PECAM1: variants seen among roughly 807,000 people sequenced by gnomAD.
PECAM1 encodes the protein platelet endothelial cell adhesion molecule.
In PECAM1, 8 loss-of-function variants were observed where a neutral mutation model predicts 13.8. That is an observed-to-expected ratio of 0.58 (90% CI 0.34 to 1.05). The LOEUF (loss-of-function observed/expected upper bound fraction) is 1.05, where lower values mean the gene tolerates loss of function less well. Among genes scored for constraint, PECAM1 ranks in the 50% least tolerant of loss-of-function variants. The pLI is 0.03. For synonymous variants in PECAM1, 136 were observed against 52.6 expected (o/e 2.58, Z -6.86); for missense variants, 304 against 141.2 (o/e 2.15, Z -5.84).
In PECAM1 at chr17:64,323,447, T is replaced by C. The variant is rs1166059801; in HGVS notation, c.*369A>G. 3.5e-6 allele frequency: 4 copies of C among 1,158,034 alleles called. No individual in the cohort carries two copies. The African/African-American group carries it at 6.4e-5, about 19-fold the overall frequency. The allele number at this position is 1,158,034 out of a possible 1,614,324, so 71.7% of individuals were successfully genotyped here. A position where few individuals can be genotyped will look rare whatever the true frequency, so the allele number is the denominator to read the frequency against. The stretch of plus-strand genomic sequence containing the variant: ...AAATGATTGAGTATAAAAAAGAAAA[T>C]TGGTTTCTGTGTATGAGGGTGCATG... On this transcript the variant is annotated 3_prime_UTR_variant, in exon 16 of 16. Coordinates refer to ENST00000563924, the MANE Select transcript of PECAM1 (RefSeq NM_000442.5).
At chr17:64,347,678 A>ATAT (rs1232781658) in intron 13 of PECAM1, among the ~76,000 whole-genome samples, 1 of 135,856 alleles carries the variant, frequency 7.4e-6, no homozygotes, top group African/African-American at 2.7e-5. Context: ...AAGAAAACAT[A>ATAT]TATATTATAT....
At position 64,361,129 on chromosome 17, in the gene PECAM1, A is replaced by ATGTGTGTGTGTGTGTGTGTGTG. The variant is rs145637288; in HGVS notation, c.1217-736_1217-715dup. 1.9e-3 allele frequency among the ~76,000 whole-genome samples: 262 copies of ATGTGTGTGTGTGTGTGTGTGTG among 137,252 alleles called. 2 individuals carry two copies. Among genetic ancestry groups the ATGTGTGTGTGTGTGTGTGTGTG allele is most frequent in the African/African-American group, 6.8e-3 (242 of 35,520 alleles). 90.0% of individuals were successfully genotyped at this position (137,252 alleles called of 152,430 possible). ...AGCCACCACACCTGGCTGAGCATAT[A>ATGTGTGTGTGTGTGTGTGTGTG]TGTGTGTGTGTGTGTGTGTGTGTGT... is the stretch of plus-strand genomic sequence containing the variant. On this transcript the variant is annotated intron_variant, in intron 6 of 15. Coordinates refer to ENST00000563924, the MANE Select transcript of PECAM1 (RefSeq NM_000442.5).
chr17:64,330,629 C>G (rs1555646524), intron 14 of PECAM1, among the ~76,000 whole-genome samples: 1 of 148,160 alleles, frequency 6.7e-6, no homozygotes, highest in Admixed American at 6.7e-5. Context: ...CAGCAAGACT[C>G]CATCTCAAAA....
Position 64,356,109 on chromosome 17 carries a change from A to G in PECAM1, c.1780+2T>C, listed in dbSNP as rs2143793965. 2.1e-6 allele frequency: 1 copy of G among 474,816 alleles called. No homozygotes were observed. The highest frequency in any genetic ancestry group is 6.7e-5 in the South Asian group (1 of 14,834). 29.4% of individuals were successfully genotyped at this position (474,816 alleles called of 1,614,324 possible). On this transcript the variant is annotated splice_donor_variant, in intron 8 of 15. Transcript: ENST00000563924. LOFTEE classifies it high-confidence loss of function. ...CAGCTTGCTATGGAGACCCTGACTCACCTCTGACTGTCAGTATTTTGCTTC... is the reference window on the plus strand; with the variant it reads ...CAGCTTGCTATGGAGACCCTGACTCGCCTCTGACTGTCAGTATTTTGCTTC...
rs956990062 is a variant in PECAM1 at position 64,375,160 on chromosome 17, G to A, written c.582C>T (p.Pro194=). The A allele has an allele frequency of 4.0e-5, 19 of 475,348 alleles. No homozygotes were observed. Among genetic ancestry groups the A allele is most frequent in the African/African-American group, 2.0e-4 (10 of 50,622 alleles). The allele number at this position is 475,348 out of a possible 1,614,324, so 29.4% of individuals were successfully genotyped here. Reference sequence around the variant, plus strand: ...ATAAAACGCGGTCCTGTTCCTCAACGGGGAATTCCAGTATCACAAAATTCT... The same window carrying A: ...ATAAAACGCGGTCCTGTTCCTCAACAGGGAATTCCAGTATCACAAAATTCT... ...RDQNFVILEF[P]VEEQDRVLSF... is the part of the protein sequence containing the mutation. The change falls in exon 4 of 16, where the codon CCC becomes CCT. Residue 194 remains proline (P), a synonymous_variant. Transcript: ENST00000563924.
rs2036399195 is a variant in PECAM1 at position 64,377,929 on chromosome 17, A to G, written c.280T>C (p.Tyr94His). The G allele has an allele frequency of 2.1e-6, 1 of 475,238 alleles. No individual in the cohort carries two copies. The highest frequency in any genetic ancestry group is 6.7e-5 in the South Asian group (1 of 14,886). 29.4% of individuals were successfully genotyped at this position (475,238 alleles called of 1,614,324 possible). The change falls in exon 3 of 16, where the codon TAT becomes CAT. Residue 94 changes from tyrosine to histidine, a missense_variant. Tyr to His is a moderately conservative substitution (Grantham distance 83). Coordinates refer to ENST00000563924, the MANE Select transcript of PECAM1 (RefSeq NM_000442.5). Reference protein sequence around the residue: ...NISSMKSTESYFIPEVRIYDS... With the variant: ...NISSMKSTESHFIPEVRIYDS... ...TAGATCCGGACTTCAGGAATAAAAT[A>G]ACTCTCTGTGCTCTTCATGGAGGAG...
At chr17:64,376,355 T>C (rs2036358937) in intron 3 of PECAM1, among the ~76,000 whole-genome samples, 2 of 151,778 alleles carry the variant, frequency 1.3e-5, no homozygotes, top group African/African-American at 4.8e-5. Flanking sequence ...AAAAATAAAA[T>C]ATGGTCAAGA....
rs2034843081 is a variant in PECAM1, at chr17:64,322,952, C to G, written c.*864G>C. The G allele has an allele frequency of 1.6e-6, 1 of 641,352 alleles. No individual in the cohort carries two copies. The highest frequency in any genetic ancestry group is 1.4e-4 in the East Asian group (1 of 7,248). The allele number at this position is 641,352 out of a possible 1,614,324, so 39.7% of individuals were successfully genotyped here. A position where few individuals can be genotyped will look rare whatever the true frequency, so the allele number is the denominator to read the frequency against. The stretch of plus-strand genomic sequence containing the variant: ...AAACTCCTGACCTCAGGTGATCCGC[C>G]CACCTCAGCCTCCTGAAGTGCTGGG... On this transcript the variant is annotated 3_prime_UTR_variant, in exon 16 of 16. Transcript: ENST00000563924.
intron 2 of PECAM1, among the ~76,000 whole-genome samples, chr17:64,380,479 A>C (rs1041023002): frequency 3.0e-4 from 45 of 152,146 alleles, no homozygotes; most frequent in Non-Finnish European, 3.1e-4. Context: ...GCCCATTCTC[A>C]AGGAAGCTAC....
chr17:64,390,829 TG>T lies in PECAM1; in HGVS notation c.-165del, dbSNP rs1312949317. On this transcript the variant is annotated 5_prime_UTR_variant, in exon 1 of 16. Transcript: ENST00000563924. ...CCTGCAGAGAGACCGGCTGTGGCGC[TG>T]GTCAGGTAATGGCAGCCATGGCTGG... is the stretch of plus-strand genomic sequence containing the variant. 1 of 397,230 alleles carries T rather than the reference TG, an allele frequency of 2.5e-6. No individual in the cohort carries two copies. Among genetic ancestry groups the T allele is most frequent in the Admixed American group, 4.4e-5 (1 of 22,690 alleles). 24.6% of individuals were successfully genotyped at this position (397,230 alleles called of 1,614,324 possible). A position where few individuals can be genotyped will look rare whatever the true frequency, so the allele number is the denominator to read the frequency against.
In PECAM1 at chr17:64,356,341, T is replaced by C. The variant is rs1487968640; in HGVS notation, c.1550A>G (p.Glu517Gly). 2 of 473,730 alleles carry C rather than the reference T, an allele frequency of 4.2e-6. No individual in the cohort carries two copies. Among genetic ancestry groups the C allele is most frequent in the Non-Finnish European group, 3.9e-6 (1 of 258,540 alleles). The allele number at this position is 473,730 out of a possible 1,614,324, so 29.3% of individuals were successfully genotyped here. Residue 517 changes from glutamate (E) to glycine (G), a missense_variant, in exon 8 of 16, where the codon GAG becomes GGG. By Grantham distance (98) the Glu-to-Gly change is moderately conservative. Transcript: ENST00000563924. ...CACAGCACATTGCAGCACAATGTCC[T>C]CTCCAGACTCCACCACCTTACTTGA... is the stretch of plus-strand genomic sequence containing the variant. ...ILSSKVVESG[E>G]DIVLQCAVNE...
At chr17:64,362,650 T>A (rs2036010000) in intron 6 of PECAM1, among the ~76,000 whole-genome samples, 1 of 145,530 alleles carries the variant, frequency 6.9e-6, no homozygotes, top group Non-Finnish European at 1.5e-5. Flanking sequence ...AGACTGCATC[T>A]CAAAAAAATA....
At chr17:64,328,223 G>A (rs1350082995) in intron 15 of PECAM1, among the ~76,000 whole-genome samples, 3 of 152,180 alleles carry the variant, frequency 2.0e-5, no homozygotes, top group Non-Finnish European at 4.4e-5. Flanking sequence ...GTCCTACAGG[G>A]TGTTTTGGGT....
At chr17:64,366,425 A>G (rs11658724) in intron 5 of PECAM1, among the ~76,000 whole-genome samples, 54,467 of 145,916 alleles carry the variant, frequency 0.37, 11,807 homozygotes, top group East Asian at 0.52. Context: ...GCGATTCCTC[A>G]GGGATCTAGA....
chr17:64,321,344 A>G lies in PECAM1; in HGVS notation c.*2472T>C, dbSNP rs546564164. 2.5e-4 allele frequency: 207 copies of G among 820,300 alleles called. 1 individual carries two copies. Among genetic ancestry groups the G allele is most frequent in the Non-Finnish European group, 2.9e-4 (200 of 679,062 alleles). 50.8% of individuals were successfully genotyped at this position (820,300 alleles called of 1,614,324 possible). A position where few individuals can be genotyped will look rare whatever the true frequency, so the allele number is the denominator to read the frequency against. On this transcript the variant is annotated 3_prime_UTR_variant, in exon 16 of 16. Transcript: ENST00000563924. ...GTTACGGCAGCTGCCGAGGAAGGCT[A>G]AAGCCAGCGTCCTGGATTCAGACAG...
At chr17:64,376,462 T>G (rs1422421239) in intron 3 of PECAM1, among the ~76,000 whole-genome samples, 2 of 152,222 alleles carry the variant, frequency 1.3e-5, no homozygotes, top group Non-Finnish European at 2.9e-5. Context: ...TAGCCAGTAT[T>G]TGTCAGTGTC....
chr17:64,364,164 T>C (rs1384738550), intron 5 of PECAM1, among the ~76,000 whole-genome samples: 1 of 151,978 alleles, frequency 6.6e-6, no homozygotes, highest in African/African-American at 2.4e-5. Context: ...CCCACAGAAA[T>C]ACAAACTACC....
intron 12 of PECAM1, among the ~76,000 whole-genome samples, chr17:64,349,754 A>C (rs1326274493): frequency 6.6e-6 from 1 of 151,806 alleles, no homozygotes; most frequent in East Asian, 1.9e-4. Flanking sequence ...GCGTGGTGGC[A>C]GGCGCCTGTA....
chr17:64,383,786 C>T (rs1397772666), intron 2 of PECAM1, among the ~76,000 whole-genome samples: 1 of 152,144 alleles, frequency 6.6e-6, no homozygotes, highest in Non-Finnish European at 1.5e-5. Context: ...AGCATGGGGC[C>T]CGTCCACCAT....
Sources: gnomAD v4.1 joint callset for allele counts (sites outside exome capture counted in the v4.1 genomes callset) on GRCh38, gnomAD v4.1.1 for gene constraint, MANE v1.5 for transcripts, NCBI Gene and HGNC (gene_info 2026-07-23, HGNC 2026-07-21) for gene names.